Variants in ABL1 observed in about 807,000 individuals in gnomAD.
ABL1 encodes the protein tyrosine-protein kinase ABL1.
A neutral mutation model predicts 94.7 loss-of-function variants in ABL1; 11 were observed. The ratio of observed to expected loss-of-function variants is 0.12; its 90% CI spans 0.07 to 0.19. ABL1 has a LOEUF of 0.19. ABL1 is among the 10% of genes least tolerant of loss of function. ABL1 has a pLI of 1.00. For synonymous variants in ABL1, 656 were observed against 622.4 expected, an observed-to-expected ratio of 1.05 and a Z score of -0.80; for missense variants, 1,082 against 1,489.4, an observed-to-expected ratio of 0.73 and a Z score of 4.50.
chr9:130,865,786 G>A (rs781328612), intron 4 of ABL1, among the ~76,000 whole-genome samples: 1 of 151,358 alleles, frequency 6.6e-6, no homozygotes, highest in Non-Finnish European at 1.5e-5. Flanking sequence ...TCCTTGAGTG[G>A]ATTCTAAATC....
chr9:130,720,637 C>T (rs1026010599), intron 1 of ABL1, among the ~76,000 whole-genome samples: 4 of 152,050 alleles, frequency 2.6e-5, no homozygotes, highest in African/African-American at 4.8e-5. Flanking sequence ...GAGAATTTTC[C>T]GAGGGGACTA....
At chr9:130,752,145 G>A (rs1332233413) in intron 1 of ABL1, among the ~76,000 whole-genome samples, 1 of 152,160 alleles carries the variant, frequency 6.6e-6, no homozygotes. Context: ...CAAAGGGGAC[G>A]ATGACCCGAC....
chr9:130,842,229 ATC>A (rs769719601), intron 1 of ABL1, among the ~76,000 whole-genome samples: 3 of 152,170 alleles, frequency 2.0e-5, no homozygotes, highest in Non-Finnish European at 2.9e-5. Flanking sequence ...GTAACTTCAC[ATC>A]TCTCTGTTTC....
intron 1 of ABL1, among the ~76,000 whole-genome samples, chr9:130,804,614 T>C (rs1056409366): frequency 6.6e-6 from 1 of 152,150 alleles, no homozygotes; most frequent in Non-Finnish European, 1.5e-5. Context: ...GACTAAATCA[T>C]TTTAAAAAGA....
intron 1 of ABL1, among the ~76,000 whole-genome samples, chr9:130,721,759 T>G (rs1045671888): frequency 6.6e-6 from 1 of 150,994 alleles, no homozygotes; most frequent in African/African-American, 2.4e-5. Context: ...CATTAGAAGG[T>G]GGGAGGAAGT....
chr9:130,726,649 T>C (rs570505996), intron 1 of ABL1, among the ~76,000 whole-genome samples: 2 of 152,312 alleles, frequency 1.3e-5, no homozygotes, highest in East Asian at 3.9e-4. Flanking sequence ...AAAAAAATTT[T>C]TTTTTGTAGA....
chr9:130,866,972 A>G (rs1160569273), intron 4 of ABL1, among the ~76,000 whole-genome samples: 29 of 152,184 alleles, frequency 1.9e-4, no homozygotes, highest in Admixed American at 1.9e-3. Flanking sequence ...CACTGTGCCC[A>G]GCTAAGAGGC....
At chr9:130,881,897 A>AG (rs1424812782) in intron 10 of ABL1, among the ~76,000 whole-genome samples, 3 of 152,176 alleles carry the variant, frequency 2.0e-5, no homozygotes, top group South Asian at 2.1e-4. Flanking sequence ...ACAAAAAAAA[A>AG]CAGAACATGC....
chr9:130,807,413 T>C (rs1830140109), intron 1 of ABL1, among the ~76,000 whole-genome samples: 1 of 151,834 alleles, frequency 6.6e-6, no homozygotes. Context: ...CTAATTTTTG[T>C]ATTTTTAGTA....
intron 1 of ABL1, among the ~76,000 whole-genome samples, chr9:130,755,589 G>A (rs1832032355): frequency 6.6e-6 from 1 of 152,180 alleles, no homozygotes; most frequent in African/African-American, 2.4e-5. Context: ...TTTCCTTTGA[G>A]TTCAGCAAGA....
At chr9:130,842,883 T>A (rs1830697493) in intron 1 of ABL1, among the ~76,000 whole-genome samples, 1 of 152,224 alleles carries the variant, frequency 6.6e-6, no homozygotes, top group Non-Finnish European at 1.5e-5. Flanking sequence ...GAGCTCACTG[T>A]GGTGTCTGTT....
upstream of ABL1, chr9:130,834,880 C>A (rs1830538591): frequency 2.2e-6 from 1 of 455,968 alleles, no homozygotes; most frequent in East Asian, 7.0e-5. Context: ...CCAGCGTTCT[C>A]GGGTCAGAGG....
chr9:130,766,422 G>A (rs145870659), intron 1 of ABL1, among the ~76,000 whole-genome samples: 2 of 152,222 alleles, frequency 1.3e-5, no homozygotes, highest in Non-Finnish European at 2.9e-5. Context: ...GGTGGCTTCT[G>A]ACAGGGAGCT....
intron 1 of ABL1, among the ~76,000 whole-genome samples, chr9:130,727,751 G>GC (rs60571093): frequency 0.084 from 7,371 of 87,652 alleles, 942 homozygotes; most frequent in African/African-American, 0.2. Flanking sequence ...GTGAGACACC[G>GC]CCCCCCCCCC....
At chr9:130,753,422 CTTTTTTTTTTT>C (rs71389347) in intron 1 of ABL1, among the ~76,000 whole-genome samples, 3 of 90,330 alleles carry the variant, frequency 3.3e-5, no homozygotes, top group East Asian at 4.1e-4. Flanking sequence ...TTTTTCTTTT[CTTTTTTTTTTT>C]TTTTTTTTTT....
intron 6 of ABL1, 31 bp from the exon 7 acceptor site, chr9:130,874,837 G>T: frequency 6.2e-7 from 1 of 1,610,418 alleles, no homozygotes; most frequent in Non-Finnish European, 8.5e-7. Flanking sequence ...TTGGCCAGGA[G>T]CTCTCATGGG....
At chr9:130,869,965 C>T (rs1284361309) in intron 4 of ABL1, among the ~76,000 whole-genome samples, 1 of 152,202 alleles carries the variant, frequency 6.6e-6, no homozygotes, top group African/African-American at 2.4e-5. Flanking sequence ...GCTGGAACTA[C>T]AGGCATGCGC....
At chr9:130,869,215 T>C (rs1831210496) in intron 4 of ABL1, among the ~76,000 whole-genome samples, 1 of 152,058 alleles carries the variant, frequency 6.6e-6, no homozygotes, top group Non-Finnish European at 1.5e-5. Context: ...GGAGAATGTA[T>C]CTGTGAGAAG....
intron 1 of ABL1, among the ~76,000 whole-genome samples, chr9:130,815,602 T>C (rs1401577758): frequency 6.6e-6 from 1 of 152,140 alleles, no homozygotes; most frequent in Admixed American, 6.5e-5. Context: ...TTGGCCAGGG[T>C]CCCTGCTTCT....
Sources: gnomAD v4.1 joint callset for allele counts (sites outside exome capture counted in the v4.1 genomes callset) on GRCh38, gnomAD v4.1.1 for gene constraint, MANE v1.5 for transcripts, NCBI Gene and HGNC (gene_info 2026-07-23, HGNC 2026-07-21) for gene names.